The following STIM1 variants were observed in gnomAD, a reference collection of about 807,000 sequenced individuals.
The protein encoded by STIM1 is stromal interaction molecule 1.
In STIM1, 25 loss-of-function variants were observed where a neutral mutation model predicts 74.7. The observed-to-expected ratio is 0.33, with a 90% CI of 0.24 to 0.47. The LOEUF is 0.47. Among genes scored for constraint, STIM1 ranks in the 20% least tolerant of loss-of-function variants. The pLI is 1.00. For missense variants in STIM1, 728 were observed against 920.8 expected (o/e 0.79, Z 2.71); for synonymous variants, 328 against 348.8 (o/e 0.94, Z 0.66).
chr11:3,966,918 C>T (rs2093345556), intron 1 of STIM1, among the ~76,000 whole-genome samples: 1 of 152,178 alleles, frequency 6.6e-6, no homozygotes, highest in South Asian at 2.1e-4. Flanking sequence ...TCCCAGACCA[C>T]CTAAGGTGTT....
At position 4,026,858 on chromosome 11, in the gene STIM1, T is replaced by C. The variant is rs74468115; in HGVS notation, c.385+2871T>C. ...GTGTTTGCCAGCCAGGAAACTCAACTGAACTTTGGTGTTCAGTGTTTTTCT... is the reference window on the plus strand; with the variant it reads ...GTGTTTGCCAGCCAGGAAACTCAACCGAACTTTGGTGTTCAGTGTTTTTCT... On this transcript the variant is annotated intron_variant, in intron 3 of 12. Transcript: ENST00000526596. Among the ~76,000 whole-genome samples, 171 of 152,348 alleles carry C rather than the reference T, an allele frequency of 1.1e-3. 1 individual carries two copies. The highest frequency in any genetic ancestry group is 3.9e-3 in the African/African-American group (163 of 41,582).
intron 2 of STIM1, among the ~76,000 whole-genome samples, chr11:3,994,463 C>CTT (rs56255114): frequency 0.23 from 31,396 of 134,216 alleles, 4,702 homozygotes; most frequent in South Asian, 0.44. Flanking sequence ...CTTTTTCTTT[C>CTT]TTTTTTTTTT....
intron 1 of STIM1, among the ~76,000 whole-genome samples, chr11:3,942,114 C>G (rs188380199): frequency 6.6e-6 from 1 of 152,160 alleles, no homozygotes; most frequent in East Asian, 1.9e-4. Flanking sequence ...TTAGAGGAGG[C>G]AGTACTTGGA....
At chr11:4,044,605 TA>T (rs1331798759) in intron 3 of STIM1, among the ~76,000 whole-genome samples, 2 of 152,268 alleles carry the variant, frequency 1.3e-5, no homozygotes, top group South Asian at 2.1e-4. Flanking sequence ...TGCCAAACCC[TA>T]CCTAGATAGG....
intron 2 of STIM1, among the ~76,000 whole-genome samples, chr11:3,979,291 A>C (rs1223443484): frequency 6.6e-6 from 1 of 152,180 alleles, no homozygotes; most frequent in Non-Finnish European, 1.5e-5. Context: ...TCTCCCGGAA[A>C]GCCCATGTTG....
intron 2 of STIM1, among the ~76,000 whole-genome samples, chr11:3,990,089 T>A (rs2093596096): frequency 1.3e-5 from 2 of 152,254 alleles, no homozygotes; most frequent in South Asian, 4.1e-4. Context: ...ACGAATCTAC[T>A]TTCTCTTTCT....
At chr11:4,083,608 T>G in intron 10 of STIM1, 110 bp downstream of exon 10, 1 of 1,034,868 alleles carries the variant, frequency 9.7e-7, no homozygotes, top group East Asian at 2.6e-5. Flanking sequence ...CCCAGGAAGA[T>G]AGTTCAACTC....
At chr11:4,015,054 A>G (rs983305590) in intron 2 of STIM1, among the ~76,000 whole-genome samples, 2 of 152,158 alleles carry the variant, frequency 1.3e-5, no homozygotes, top group Admixed American at 6.5e-5. Flanking sequence ...TTTACATTTA[A>G]GGTTTATATT....
chr11:4,082,882 G>A lies in STIM1; in HGVS notation c.1138G>A (p.Ala380Thr), dbSNP rs755910491. Residue 380 changes from alanine (A) to threonine (T), a missense_variant and splice_region_variant, in exon 9 of 13, where the codon GCT becomes ACT. Ala to Thr is a moderately conservative substitution (Grantham distance 58). Around this residue, in one of 5 missense-constraint regions of STIM1, gnomAD observed 131 missense variants for 235.9 expected, o/e 0.56. Coordinates refer to ENST00000526596, the MANE Select transcript of STIM1 (RefSeq NM_001382567.1). ...TGAGCTGGGGGCCTCATCTTTGCAG[G>A]CTGAGAAGATAAAAAAGAAGAGAAA... ...EKQLLVAKEG[A>T]EKIKKKRNTL... 1 of 1,613,852 alleles carries A rather than the reference G, an allele frequency of 6.2e-7. No homozygotes were observed. The highest frequency in any genetic ancestry group is 1.1e-5 in the South Asian group (1 of 91,066).
At chr11:4,006,320 G>A (rs2093780236) in intron 2 of STIM1, among the ~76,000 whole-genome samples, 1 of 152,186 alleles carries the variant, frequency 6.6e-6, no homozygotes, top group South Asian at 2.1e-4. Context: ...CCCAGAAGCA[G>A]AAGCTGCTAT....
intron 1 of STIM1, among the ~76,000 whole-genome samples, chr11:3,938,229 C>T (rs559529651): frequency 7.9e-5 from 12 of 152,230 alleles, no homozygotes; most frequent in Middle Eastern, 3.4e-3. Context: ...TGAGCCACCG[C>T]GCCCGGCCTG....
At chr11:3,966,513 G>A (rs1188096369) in intron 1 of STIM1, among the ~76,000 whole-genome samples, 29 of 152,238 alleles carry the variant, frequency 1.9e-4, no homozygotes, top group Non-Finnish European at 1.2e-4. Context: ...TTTCTGTCCT[G>A]TGACAGCTTC....
chr11:3,879,848 C>G (rs1293765408), intron 1 of STIM1, among the ~76,000 whole-genome samples: 1 of 151,992 alleles, frequency 6.6e-6, no homozygotes, highest in Non-Finnish European at 1.5e-5. Context: ...GGTTGGTGAC[C>G]CAGTGAATGG....
intron 2 of STIM1, among the ~76,000 whole-genome samples, chr11:4,009,821 T>C (rs1184758943): frequency 6.6e-6 from 1 of 152,110 alleles, no homozygotes; most frequent in East Asian, 1.9e-4. Flanking sequence ...CTAGATATTT[T>C]TATTTTTTTG....
At position 4,018,428 on chromosome 11, in the gene STIM1, C is replaced by T. The variant is rs572306008; in HGVS notation, c.271-5445C>T. On this transcript the variant is annotated intron_variant, in intron 2 of 12. Transcript: ENST00000526596. ...GATTGCGCCACTGCAGTCCGCAGTC[C>T]GGCCTGGGCGACAGAGCGAGACTCC... 7.2e-5 allele frequency among the ~76,000 whole-genome samples: 8 copies of T among 111,426 alleles called. No individual in the cohort carries two copies. In the South Asian group the frequency reaches 1.2e-3, roughly 16 times the overall value. 73.1% of individuals were successfully genotyped at this position (111,426 alleles called of 152,430 possible).
chr11:3,886,810 T>C (rs2091728377), intron 1 of STIM1, among the ~76,000 whole-genome samples: 1 of 151,584 alleles, frequency 6.6e-6, no homozygotes, highest in African/African-American at 2.4e-5. Flanking sequence ...GAGATCATCC[T>C]GGATAACATG....
intron 12 of STIM1, chr11:4,089,086 T>A: frequency 3.5e-6 from 1 of 286,274 alleles, no homozygotes; most frequent in South Asian, 3.7e-5. Context: ...AAATCAAAAA[T>A]TTAGTTGGGC....
intron 2 of STIM1, among the ~76,000 whole-genome samples, chr11:3,995,928 T>C (rs986629329): frequency 6.6e-6 from 1 of 151,816 alleles, no homozygotes. Flanking sequence ...GCTGGTGAAA[T>C]TTGTTCTTAC....
intron 3 of STIM1, chr11:4,049,431 C>A (rs1403627727): frequency 2.0e-5 from 3 of 150,776 alleles, no homozygotes; most frequent in Non-Finnish European, 4.4e-5. Context: ...CTCAAGCCAT[C>A]CTCCCACCTC....
Sources: allele counts gnomAD v4.1 joint callset (sites outside exome capture counted in the v4.1 genomes callset), GRCh38; gene constraint gnomAD v4.1.1; regional missense constraint gnomAD v4.1.1; transcripts MANE v1.5; gene names NCBI Gene and HGNC (gene_info 2026-07-23, HGNC 2026-07-21).